Variants in ZNF892 observed in about 807,000 individuals in gnomAD.
The protein encoded by ZNF892 is zinc finger protein 892, also known as zinc finger protein 570-like.
At chr2:95,208,051 A>G in the ZNF892 span, among the ~76,000 whole-genome samples, 3 of 152,306 alleles carry the variant, frequency 2.0e-5, no homozygotes, top group Admixed American at 6.5e-5. Flanking sequence ...GAAAATATCA[A>G]CACATCTGAC....
the ZNF892 span, among the ~76,000 whole-genome samples, chr2:95,238,015 G>A: frequency 6.6e-6 from 1 of 152,236 alleles, no homozygotes; most frequent in Non-Finnish European, 1.5e-5. Flanking sequence ...TTAAGTGCAA[G>A]ATGAAAGCAG....
the ZNF892 span, among the ~76,000 whole-genome samples, chr2:95,258,230 C>T: frequency 6.6e-6 from 1 of 152,214 alleles, no homozygotes; most frequent in Non-Finnish European, 1.5e-5. Context: ...AAATTTACTT[C>T]TGCAGAAGGG....
At chr2:95,213,565 A>C in the ZNF892 span, among the ~76,000 whole-genome samples, 1 of 151,904 alleles carries the variant, frequency 6.6e-6, no homozygotes, top group Non-Finnish European at 1.5e-5. Context: ...CTCCCAACAC[A>C]CTGCTGTTTT....
At chr2:95,252,547 C>T in the ZNF892 span, among the ~76,000 whole-genome samples, 2 of 152,094 alleles carry the variant, frequency 1.3e-5, no homozygotes, top group African/African-American at 4.8e-5. Context: ...AATAAACATA[C>T]GTGTGCATGT....
chr2:95,243,932 G>A, the ZNF892 span, among the ~76,000 whole-genome samples: 5 of 152,172 alleles, frequency 3.3e-5, no homozygotes, highest in African/African-American at 7.2e-5. Context: ...TTGAGAAATC[G>A]GATGGTTGCC....
the ZNF892 span, among the ~76,000 whole-genome samples, chr2:95,224,653 T>G: frequency 1.3e-5 from 2 of 152,168 alleles, no homozygotes; most frequent in African/African-American, 2.4e-5. Context: ...AGGTCCCACC[T>G]CCAACATTGA....
chr2:95,233,346 C>T, the ZNF892 span, among the ~76,000 whole-genome samples: 57 of 151,514 alleles, frequency 3.8e-4, no homozygotes, highest in African/African-American at 1.1e-3. Context: ...ACTACAGGCA[C>T]GTGCCACTAG....
the ZNF892 span, among the ~76,000 whole-genome samples, chr2:95,258,033 C>T: frequency 2.6e-5 from 4 of 152,182 alleles, no homozygotes; most frequent in African/African-American, 7.2e-5. Context: ...GGTGATGCCT[C>T]GCCCTGCTTT....
At chr2:95,236,176 T>C in the ZNF892 span, among the ~76,000 whole-genome samples, 19 of 152,322 alleles carry the variant, frequency 1.2e-4, no homozygotes, top group Non-Finnish European at 2.2e-4. Flanking sequence ...CTTGGCAATA[T>C]AGTTAATGTT....
the ZNF892 span, among the ~76,000 whole-genome samples, chr2:95,256,090 A>T: frequency 6.6e-6 from 1 of 152,130 alleles, no homozygotes; most frequent in East Asian, 1.9e-4. Flanking sequence ...TAATATTGTT[A>T]TGTGTGAATT....
At chr2:95,212,885 A>C in the ZNF892 span, among the ~76,000 whole-genome samples, 1 of 152,258 alleles carries the variant, frequency 6.6e-6, no homozygotes, top group Non-Finnish European at 1.5e-5. Flanking sequence ...ATCCAAGAGA[A>C]ATGTTTTAAA....
At chr2:95,230,834 C>T in the ZNF892 span, among the ~76,000 whole-genome samples, 6 of 152,336 alleles carry the variant, frequency 3.9e-5, no homozygotes, top group Admixed American at 2.6e-4. Flanking sequence ...TTTAATCCAG[C>T]ATTTCCATTT....
chr2:95,257,209 C>T, the ZNF892 span, among the ~76,000 whole-genome samples: 1 of 152,052 alleles, frequency 6.6e-6, no homozygotes, highest in Non-Finnish European at 1.5e-5. Flanking sequence ...TTTTATCTAC[C>T]TTTGGTCTTT....
At chr2:95,214,130 G>T in the ZNF892 span, among the ~76,000 whole-genome samples, 3 of 152,054 alleles carry the variant, frequency 2.0e-5, no homozygotes, top group Non-Finnish European at 4.4e-5. Context: ...CTTTTATGCC[G>T]TCGTACTTCT....
chr2:95,245,454 G>GT, the ZNF892 span, among the ~76,000 whole-genome samples: 92 of 95,032 alleles, frequency 9.7e-4, 5 homozygotes, highest in African/African-American at 3.3e-3. Context: ...AGACGGCGGG[G>GT]GGGGGGGGGT....
the ZNF892 span, among the ~76,000 whole-genome samples, chr2:95,222,002 C>T: frequency 6.6e-6 from 1 of 152,086 alleles, no homozygotes; most frequent in African/African-American, 2.4e-5. Context: ...TTCTTCCTTT[C>T]TTCCTTCCAC....
At chr2:95,215,034 G>T in the ZNF892 span, 1 of 510,994 alleles carries the variant, frequency 2.0e-6, no homozygotes, top group Non-Finnish European at 3.5e-6. Flanking sequence ...GAAACCTTAT[G>T]AGTGTAATGA....
At chr2:95,240,907 C>T in the ZNF892 span, among the ~76,000 whole-genome samples, 1 of 152,210 alleles carries the variant, frequency 6.6e-6, no homozygotes, top group Non-Finnish European at 1.5e-5. Context: ...CTGTTTTAAG[C>T]AGCACCTTGA....
chr2:95,209,610 A>T, the ZNF892 span, among the ~76,000 whole-genome samples: 1 of 152,180 alleles, frequency 6.6e-6, no homozygotes, highest in African/African-American at 2.4e-5. Context: ...GGTACTGATG[A>T]TCCTTATAAA....
Sources: gnomAD v4.1 joint callset for allele counts (sites outside exome capture counted in the v4.1 genomes callset) on GRCh38, gnomAD v4.1.1 for gene constraint, MANE v1.5 for transcripts, NCBI Gene and HGNC (gene_info 2026-07-23, HGNC 2026-07-21) for gene names.